The following IQGAP1 variants were observed in gnomAD, a reference collection of about 807,000 sequenced individuals.
The protein encoded by IQGAP1 is IQ motif containing GTPase activating protein 1.
IQGAP1 carries 66 observed loss-of-function variants against 215.6 expected under a neutral mutation model. The observed-to-expected ratio is 0.31, with a 90% confidence interval of 0.25 to 0.38. The LOEUF is 0.38. Among genes scored for constraint, IQGAP1 ranks in the 10% least tolerant of loss-of-function variants. The pLI, the probability that IQGAP1 is intolerant of heterozygous loss-of-function variation, is 1.00. For synonymous variants in IQGAP1, 772 were observed against 728.7 expected, an observed-to-expected ratio of 1.06 and a Z score of -0.96; for missense variants, 1,712 against 1,997.1, an observed-to-expected ratio of 0.86 and a Z score of 2.72.
intron 18 of IQGAP1, among the ~76,000 whole-genome samples, chr15:90,468,809 C>T (rs547856803): frequency 2.1e-4 from 32 of 152,196 alleles, no homozygotes; most frequent in African/African-American, 7.2e-4. Context: ...CCAGCCTGGG[C>T]AACAGAGCAA....
Position 90,474,124 on chromosome 15 carries a change from A to G in IQGAP1, c.2566A>G (p.Lys856Glu). The G allele has an allele frequency of 6.2e-7, 1 of 1,611,762 alleles. No homozygotes were observed. The change falls in exon 22 of 38, where the codon AAG becomes GAG. Residue 856 changes from lysine (K) to glutamate (E), a missense_variant. Physicochemically the swap from Lys to Glu is moderately conservative, Grantham distance 56 (BLOSUM62 1). Transcript: ENST00000268182. ...GGCAAACAAAGCTCGGGATGACTAC[A>G]AGACTCTCAGTGAGTAACTGGCTCC... ...IRANKARDDY[K>E]TLINAEDPPM...
chr15:90,472,618 A>C (rs1422613730), intron 18 of IQGAP1, among the ~76,000 whole-genome samples: 3 of 151,940 alleles, frequency 2.0e-5, no homozygotes, highest in Admixed American at 2.0e-4. Context: ...AAGAAGATCA[A>C]GTTTTTGTTT....
At chr15:90,419,006 G>C (rs925981188) in intron 2 of IQGAP1, among the ~76,000 whole-genome samples, 1 of 152,086 alleles carries the variant, frequency 6.6e-6, no homozygotes, top group East Asian at 1.9e-4. Flanking sequence ...AATTAGCCGG[G>C]TGTTGTGGCA....
intron 15 of IQGAP1, among the ~76,000 whole-genome samples, chr15:90,460,754 G>A (rs28863184): frequency 0.16 from 24,260 of 151,798 alleles, 2,298 homozygotes; most frequent in African/African-American, 0.26. Context: ...ATCCCAGCAC[G>A]TTGGGATGCC....
chr15:90,421,056 G>C (rs548780786), intron 2 of IQGAP1, among the ~76,000 whole-genome samples: 1 of 152,304 alleles, frequency 6.6e-6, no homozygotes, highest in Admixed American at 6.5e-5. Flanking sequence ...AGAATTGCTT[G>C]AACCCGGAAG....
rs936801927 is a variant in IQGAP1 at position 90,481,908 on chromosome 15, C to G, written c.3330-52C>G. The G allele has an allele frequency of 6.3e-6, 10 of 1,592,258 alleles. No individual in the cohort carries two copies. In the Admixed American group the frequency reaches 1.2e-4, roughly 19 times the overall value. On this transcript the variant is annotated intron_variant, in intron 26 of 37. Transcript: ENST00000268182. ...TGAAAGATAAGACACTTGCTTCAGG[C>G]TGTTCCTGGCTGTTAGTCTAACATA...
At position 90,474,153 on chromosome 15, in the gene IQGAP1, T is replaced by TA. The variant is rs1965945980; in HGVS notation, c.2575+20_2575+21insA. ...CTCTCAGTGAGTAACTGGCTCCGCATGAAGAGTTGAGGCAGTGGCTGGGAG... is the reference window on the plus strand; with the variant it reads ...CTCTCAGTGAGTAACTGGCTCCGCATAGAAGAGTTGAGGCAGTGGCTGGGAG... On this transcript the variant is annotated intron_variant, in intron 22 of 37. Coordinates refer to ENST00000268182, the MANE Select transcript of IQGAP1 (RefSeq NM_003870.4). 1 of 1,596,510 alleles carries TA rather than the reference T, an allele frequency of 6.3e-7. No homozygotes were observed. The highest frequency in any genetic ancestry group is 8.5e-7 in the Non-Finnish European group (1 of 1,170,768).
rs953910791 is a variant in IQGAP1, at chr15:90,492,613, C to T, written c.4530C>T (p.Tyr1510=). ...AACTAGTGAAACTGCAACAGACATACGCTGCTCTGAACTCTAAGGCCACCT... is the reference window on the plus strand; with the variant it reads ...AACTAGTGAAACTGCAACAGACATATGCTGCTCTGAACTCTAAGGCCACCT... ...KAELVKLQQT[Y]AALNSKATFY... The change falls in exon 35 of 38, where the codon TAC becomes TAT. Residue 1510 remains tyrosine (Y), a synonymous_variant. Transcript: ENST00000268182. The T allele has an allele frequency of 1.5e-5, 25 of 1,613,696 alleles. No homozygotes were observed. The Admixed American group carries it at 1.7e-4, about 11-fold the overall frequency.
intron 10 of IQGAP1, 85 bp downstream of exon 10, chr15:90,448,821 CT>C: frequency 8.4e-7 from 1 of 1,193,144 alleles, no homozygotes. Flanking sequence ...TATATGCTGC[CT>C]TTGTTTTTCC....
At chr15:90,450,524 T>C (rs548394325) in intron 11 of IQGAP1, among the ~76,000 whole-genome samples, 1 of 151,942 alleles carries the variant, frequency 6.6e-6, no homozygotes, top group East Asian at 1.9e-4. Flanking sequence ...TTTTGAGGAC[T>C]CTCCATCCTG....
chr15:90,414,452 C>T (rs1414958521), intron 2 of IQGAP1, among the ~76,000 whole-genome samples: 1 of 152,148 alleles, frequency 6.6e-6, no homozygotes, highest in East Asian at 1.9e-4. Context: ...CACTAAGACT[C>T]CCCTTACAGG....
chr15:90,487,456 C>A, intron 32 of IQGAP1, 39 bp from the exon 33 acceptor site: 1 of 1,434,470 alleles, frequency 7.0e-7, no homozygotes, highest in Non-Finnish European at 9.8e-7. Context: ...GGAACTAGAA[C>A]ACTGGTAATA....
Position 90,441,692 on chromosome 15 carries a change from T to TG in IQGAP1, c.828+9dup, listed in dbSNP as rs1293084236. 5.6e-5 allele frequency: 88 copies of TG among 1,576,162 alleles called. No individual in the cohort carries two copies. The highest frequency in any genetic ancestry group is 7.6e-5 in the Non-Finnish European group (87 of 1,151,902). ...ACAAATGCTAAAAACAGGGTAAAAA[T>TG]GCAACATCTATTCTTTCTAATTAAT... On this transcript the variant is annotated intron_variant, in intron 8 of 37. Coordinates refer to ENST00000268182, the MANE Select transcript of IQGAP1 (RefSeq NM_003870.4).
Position 90,390,598 on chromosome 15 carries a change from T to A in IQGAP1, c.56-176T>A, listed in dbSNP as rs545175988. 7.2e-5 allele frequency among the ~76,000 whole-genome samples: 11 copies of A among 152,340 alleles called. No individual in the cohort carries two copies. In the South Asian group the frequency reaches 2.3e-3, roughly 32 times the overall value. ...TTTAAAAAGGTCAAGATGATTATAG[T>A]TGAAACCACATAGTTCTTTTTTTAA... On this transcript the variant is annotated intron_variant, in intron 1 of 37. Transcript: ENST00000268182.
chr15:90,433,644 A>T (rs572623529), intron 4 of IQGAP1, 75 bp from the exon 5 acceptor site: 3 of 903,818 alleles, frequency 3.3e-6, no homozygotes, highest in East Asian at 2.5e-5. Context: ...TTTGATTTGG[A>T]TTATTGATGA....
chr15:90,418,842 G>A (rs1001162965), intron 2 of IQGAP1, among the ~76,000 whole-genome samples: 3 of 152,020 alleles, frequency 2.0e-5, no homozygotes, highest in African/African-American at 4.8e-5. Context: ...GAAGTATCCT[G>A]TAGCAATTAA....
chr15:90,466,058 C>A lies in IQGAP1; in HGVS notation c.1834C>A (p.Gln612Lys). ...WLDEIQGGIW[Q>K]SNKDTQEAQK... ...GGATGAAATTCAAGGTGGAATCTGGCAGTCCAACAAAGACACCCAAGAAGC... is the reference window on the plus strand; with the variant it reads ...GGATGAAATTCAAGGTGGAATCTGGAAGTCCAACAAAGACACCCAAGAAGC... Residue 612 changes from glutamine (Q) to lysine (K), a missense_variant, in exon 16 of 38, where the codon CAG becomes AAG. By Grantham distance (53) the Gln-to-Lys change is moderately conservative. Around this residue, in one of 2 missense-constraint regions of IQGAP1, gnomAD observed 1,021 missense variants for 1,074.2 expected, o/e 0.95. Transcript: ENST00000268182. 6.2e-7 allele frequency: 1 copy of A among 1,614,036 alleles called. No homozygotes were observed. The highest frequency in any genetic ancestry group is 8.5e-7 in the Non-Finnish European group (1 of 1,179,948).
In IQGAP1 at chr15:90,496,306, CTTTTTTTTTT is replaced by C. The variant is rs552222380; in HGVS notation, c.4752-906_4752-897del. 2.4e-3 allele frequency among the ~76,000 whole-genome samples: 259 copies of C among 106,112 alleles called. 11 individuals carry two copies. The highest frequency in any genetic ancestry group is 0.011 in the African/African-American group (248 of 22,582). The allele number at this position is 106,112 out of a possible 152,430, so 69.6% of individuals were successfully genotyped here. On this transcript the variant is annotated intron_variant, in intron 36 of 37. Coordinates refer to ENST00000268182, the MANE Select transcript of IQGAP1 (RefSeq NM_003870.4). ...GATCATCCAGAGAACAGCATAATCC[CTTTTTTTTTT>C]TTTTTTTTTTTTTTTTTTTGAGACG...
intron 28 of IQGAP1, chr15:90,482,619 G>A: frequency 1.9e-6 from 1 of 529,960 alleles, no homozygotes. Context: ...TAAGGCTGTT[G>A]CTGATAACTC....
Sources: allele counts gnomAD v4.1 joint callset (sites outside exome capture counted in the v4.1 genomes callset), GRCh38; gene constraint gnomAD v4.1.1; regional missense constraint gnomAD v4.1.1; transcripts MANE v1.5; gene names NCBI Gene and HGNC (gene_info 2026-07-23, HGNC 2026-07-21).